The following SPTBN1 variants were observed in gnomAD, a reference collection of about 807,000 sequenced individuals.
The protein encoded by SPTBN1 is spectrin beta chain, non-erythrocytic 1.
SPTBN1 carries 32 observed loss-of-function variants against 266.4 expected under a neutral mutation model. That is an observed-to-expected ratio of 0.12 (90% CI 0.09 to 0.16). The LOEUF (loss-of-function observed/expected upper bound fraction) is 0.16. Ranked by LOEUF, SPTBN1 falls within the 10% of genes least tolerant of loss-of-function variation. SPTBN1 has a pLI of 1.00. For synonymous variants in SPTBN1, 1,336 were observed against 1,162.2 expected (o/e 1.15, Z -3.04); for missense variants, 2,296 against 3,067.1 (o/e 0.75, Z 5.94).
chr2:54,653,892 G>T lies in SPTBN1; in HGVS notation c.5822+39G>T, dbSNP rs778557396. ...CCCAAAGGAAATTGGACTTATTGGC[G>T]CTTGGTTAAAACACAGGAGTCTTCC... On this transcript the variant is annotated intron_variant, in intron 27 of 35. Transcript: ENST00000356805. This position sits in a 1 kb window ranked among gnomAD's most constrained non-coding sequence, Gnocchi z 5.1. 1 of 1,594,556 alleles carries T rather than the reference G, an allele frequency of 6.3e-7. No individual in the cohort carries two copies. The highest frequency in any genetic ancestry group is 8.5e-7 in the Non-Finnish European group (1 of 1,175,262).
chr2:54,555,139 G>A (rs1336858570), intron 2 of SPTBN1, among the ~76,000 whole-genome samples: 1 of 152,046 alleles, frequency 6.6e-6, no homozygotes, highest in Admixed American at 6.5e-5. Flanking sequence ...ATCTCCACTG[G>A]TTTTTCTTCT....
At position 54,671,049 on chromosome 2, in the gene SPTBN1, G is replaced by A; in HGVS notation, c.*2480G>A. On this transcript the variant is annotated 3_prime_UTR_variant, in exon 36 of 36. Transcript: ENST00000356805. ...CTGTGCTATTTTACCCTGATTTTCA[G>A]TGATACAATATGGGTGACAATACTG... 2.7e-6 allele frequency: 1 copy of A among 370,316 alleles called. No homozygotes were observed. The allele number at this position is 370,316 out of a possible 1,614,324, so 22.9% of individuals were successfully genotyped here. A position where few individuals can be genotyped will look rare whatever the true frequency, so the allele number is the denominator to read the frequency against.
chr2:54,662,362 G>T, intron 32 of SPTBN1: 1 of 978,854 alleles, frequency 1.0e-6, no homozygotes, highest in Non-Finnish European at 1.2e-6. Context: ...AATGATCTCT[G>T]CATACTGGTT....
intron 2 of SPTBN1, among the ~76,000 whole-genome samples, chr2:54,590,678 A>T (rs1338260932): frequency 1.3e-5 from 2 of 152,266 alleles, no homozygotes; most frequent in African/African-American, 4.8e-5. Context: ...GAAGAATGAT[A>T]GAAGCAAAGA....
chr2:54,514,713 G>C (rs1670025690), intron 1 of SPTBN1, among the ~76,000 whole-genome samples: 1 of 152,180 alleles, frequency 6.6e-6, no homozygotes, highest in East Asian at 1.9e-4. Context: ...TCATCTTTCT[G>C]TCTTCTGAGG....
chr2:54,492,659 T>TA (rs1399358645), intron 1 of SPTBN1, among the ~76,000 whole-genome samples: 1 of 152,186 alleles, frequency 6.6e-6, no homozygotes, highest in Non-Finnish European at 1.5e-5. Context: ...TTATGTAAGT[T>TA]ACAGCAGTCT....
chr2:54,519,309 A>G lies in SPTBN1; in HGVS notation c.-47-7063A>G, dbSNP rs1469312906. ...CATGGCTTATTGATGGTAAGTAAAT[A>G]GAAGGTTTGTAATTATGAAGCAGTC... On this transcript the variant is annotated intron_variant, in intron 1 of 35. Coordinates refer to ENST00000356805, the MANE Select transcript of SPTBN1 (RefSeq NM_003128.3). Among the ~76,000 whole-genome samples the G allele has an allele frequency of 5.3e-5, 8 of 152,340 alleles. 1 individual carries two copies. The East Asian group carries it at 1.5e-3, about 29-fold the overall frequency.
At chr2:54,463,095 G>T (rs1693450782) in intron 1 of SPTBN1, among the ~76,000 whole-genome samples, 1 of 151,706 alleles carries the variant, frequency 6.6e-6, no homozygotes, top group Admixed American at 6.6e-5. Context: ...GTGACTGGGG[G>T]TCCAGAAGTA....
chr2:54,662,014 G>A, intron 32 of SPTBN1: 1 of 985,446 alleles, frequency 1.0e-6, no homozygotes, highest in Non-Finnish European at 1.2e-6. Flanking sequence ...CTTGAAAATA[G>A]CATTGCTTCG....
At position 54,598,071 on chromosome 2, in the gene SPTBN1, C is replaced by G. The variant is rs931946327; in HGVS notation, c.149-1021C>G. 2.0e-5 allele frequency among the ~76,000 whole-genome samples: 3 copies of G among 152,066 alleles called. No homozygotes were observed. In the South Asian group the frequency reaches 6.2e-4, roughly 32 times the overall value. On this transcript the variant is annotated intron_variant, in intron 2 of 35. Coordinates refer to ENST00000356805, the MANE Select transcript of SPTBN1 (RefSeq NM_003128.3). ...GTGGATGTCTGTTGAAGGTCTTCAGCAACCTATGTTTAGAACATTCTGCAG... is the reference window on the plus strand; with the variant it reads ...GTGGATGTCTGTTGAAGGTCTTCAGGAACCTATGTTTAGAACATTCTGCAG...
intron 1 of SPTBN1, among the ~76,000 whole-genome samples, chr2:54,459,689 G>T (rs965707640): frequency 1.3e-5 from 2 of 152,042 alleles, no homozygotes; most frequent in African/African-American, 2.4e-5. Context: ...TTTATTTAAT[G>T]GCAGCCGTAG....
At chr2:54,663,103 T>C (rs528287656) in intron 32 of SPTBN1, 1 of 152,332 alleles carries the variant, frequency 6.6e-6, no homozygotes, top group Admixed American at 6.5e-5. Flanking sequence ...AAATTAGTTT[T>C]GTTCAAAATC....
At chr2:54,575,036 G>A (rs1311562362) in intron 2 of SPTBN1, among the ~76,000 whole-genome samples, 6 of 152,224 alleles carry the variant, frequency 3.9e-5, no homozygotes, top group African/African-American at 1.4e-4. Flanking sequence ...AACTTCTGCA[G>A]CAAGAGGGGG....
At chr2:54,562,695 T>TG (rs1491425562) in intron 2 of SPTBN1, among the ~76,000 whole-genome samples, 10 of 128,382 alleles carry the variant, frequency 7.8e-5, no homozygotes, top group South Asian at 2.7e-4. Flanking sequence ...CAAACCCTGC[T>TG]TTGTGTGTGT....
At chr2:54,522,697 G>GAAAGAA (rs1484752073) in intron 1 of SPTBN1, among the ~76,000 whole-genome samples, 4 of 97,264 alleles carry the variant, frequency 4.1e-5, no homozygotes, top group Admixed American at 1.1e-4. Flanking sequence ...GAGAGAGAGA[G>GAAAGAA]AGAAAGAAAG....
intron 1 of SPTBN1, among the ~76,000 whole-genome samples, chr2:54,491,517 A>G (rs531022665): frequency 2.6e-5 from 4 of 152,382 alleles, no homozygotes; most frequent in Non-Finnish European, 4.4e-5. Context: ...TTTGAATATC[A>G]TATCTTAAAT....
At chr2:54,557,474 A>G (rs1418513048) in intron 2 of SPTBN1, among the ~76,000 whole-genome samples, 3 of 152,106 alleles carry the variant, frequency 2.0e-5, no homozygotes, top group African/African-American at 7.2e-5. Context: ...TCTCTTTTCT[A>G]TGTGGAAGAT....
chr2:54,650,119 C>A, intron 26 of SPTBN1, 130 bp downstream of exon 26: 1 of 1,208,932 alleles, frequency 8.3e-7, no homozygotes, highest in Non-Finnish European at 1.1e-6. Context: ...ATACATGTAC[C>A]CACTTTGTAA....
intron 2 of SPTBN1, among the ~76,000 whole-genome samples, chr2:54,535,987 T>C (rs1414439313): frequency 6.6e-6 from 1 of 152,226 alleles, no homozygotes; most frequent in East Asian, 1.9e-4. Context: ...GCCATTGCAC[T>C]CCAGCCTGGC....
Sources: gnomAD v4.1 joint callset for allele counts (sites outside exome capture counted in the v4.1 genomes callset) on GRCh38, gnomAD v4.1.1 for gene constraint, Gnocchi (gnomAD v3.1) non-coding constraint, MANE v1.5 for transcripts, NCBI Gene and HGNC (gene_info 2026-07-23, HGNC 2026-07-21) for gene names.